Variants in UIMC1 observed in about 807,000 individuals in gnomAD.
UIMC1 encodes the protein ubiquitin interaction motif containing 1.
In UIMC1, 42 loss-of-function variants were observed where a neutral mutation model predicts 84.9. The ratio of observed to expected loss-of-function variants is 0.49; its 90% confidence interval spans 0.39 to 0.64. UIMC1 has a LOEUF of 0.64. Among genes scored for constraint, UIMC1 ranks in the 30% least tolerant of loss-of-function variants. UIMC1 has a pLI of 0.00. For missense variants in UIMC1, 825 were observed against 847.6 expected, an observed-to-expected ratio of 0.97 and a Z score of 0.33; for synonymous variants, 281 against 293.0, an observed-to-expected ratio of 0.96 and a Z score of 0.42.
chr5:176,969,330 T>A, intron 5 of UIMC1, 39 bp from the exon 6 acceptor site: 2 of 1,555,336 alleles, frequency 1.3e-6, no homozygotes, highest in Non-Finnish European at 1.7e-6. Context: ...AAGGACAAAC[T>A]TTTTTATTAA....
intron 10 of UIMC1, chr5:176,919,252 C>A: frequency 3.1e-6 from 1 of 319,188 alleles, no homozygotes; most frequent in Non-Finnish European, 6.1e-6. Context: ...GCACTCCAGC[C>A]TGGGCAACAG....
At chr5:176,907,533 T>A (rs1387951220) in intron 12 of UIMC1, among the ~76,000 whole-genome samples, 2 of 152,234 alleles carry the variant, frequency 1.3e-5, no homozygotes, top group Non-Finnish European at 2.9e-5. Context: ...GGGGTCTCTT[T>A]CTTCTGGCAT....
intron 14 of UIMC1, 182 bp from the exon 15 acceptor site, chr5:176,905,674 T>A (rs1759266119): frequency 7.5e-6 from 5 of 669,130 alleles, no homozygotes; most frequent in Admixed American, 6.1e-5. Context: ...AATCATATAC[T>A]ACTTAAAGCT....
intron 1 of UIMC1, chr5:177,001,358 G>A (rs999522292): frequency 1.3e-5 from 2 of 152,088 alleles, no homozygotes; most frequent in African/African-American, 4.8e-5. Flanking sequence ...GTTTTATGGG[G>A]TTTTGTTTTT....
At chr5:176,948,780 T>G (rs1765451483) in intron 9 of UIMC1, among the ~76,000 whole-genome samples, 1 of 152,196 alleles carries the variant, frequency 6.6e-6, no homozygotes, top group Non-Finnish European at 1.5e-5. Context: ...CCATGTCTTC[T>G]AATTGCAATG....
intron 6 of UIMC1, among the ~76,000 whole-genome samples, chr5:176,958,786 G>C (rs750530874): frequency 6.6e-6 from 1 of 152,188 alleles, no homozygotes. Context: ...CATAAGGAAA[G>C]ATTATTTTCA....
intron 3 of UIMC1, among the ~76,000 whole-genome samples, chr5:176,972,886 G>T (rs559971487): frequency 8.0e-5 from 12 of 150,656 alleles, no homozygotes; most frequent in African/African-American, 2.7e-4. Context: ...GGAATACTAT[G>T]AATGATTTTA....
intron 9 of UIMC1, among the ~76,000 whole-genome samples, chr5:176,946,121 G>A (rs911144548): frequency 6.6e-6 from 1 of 152,060 alleles, no homozygotes; most frequent in Admixed American, 6.6e-5. Flanking sequence ...GGTATATTCA[G>A]TGCATTGTTG....
At chr5:176,976,364 T>A (rs369944675) in intron 2 of UIMC1, among the ~76,000 whole-genome samples, 2 of 152,098 alleles carry the variant, frequency 1.3e-5, no homozygotes, top group East Asian at 3.8e-4. Flanking sequence ...TTGAAAAGAA[T>A]TTCTCTGAAG....
intron 10 of UIMC1, among the ~76,000 whole-genome samples, chr5:176,917,550 C>T (rs566307744): frequency 3.9e-5 from 6 of 152,102 alleles, no homozygotes; most frequent in East Asian, 1.9e-4. Flanking sequence ...CCAGCCTGGG[C>T]GACAGAATGA....
rs143881567 is a variant in UIMC1, at chr5:176,958,866, G to A, written c.1201-712C>T. Among the ~76,000 whole-genome samples, 617 of 152,336 alleles carry A rather than the reference G, an allele frequency of 4.1e-3. 1 individual carries two copies. Among genetic ancestry groups the A allele is most frequent in the Admixed American group, 7.8e-3 (119 of 15,310 alleles). On this transcript the variant is annotated intron_variant, in intron 6 of 14. Transcript: ENST00000511320. ...AAATACCAACTCATTAAACATACAT[G>A]CACAGAAGATCACAGAAAAAGCAGC...
At position 177,000,498 on chromosome 5, in the gene UIMC1, C is replaced by CTTTTTTTTTTTTTTTTTTTTTTTTTTTTT. The variant is rs966855813; in HGVS notation, c.-9+6151_-9+6152insAAAAAAAAAAAAAAAAAAAAAAAAAAAAA. Among the ~76,000 whole-genome samples the CTTTTTTTTTTTTTTTTTTTTTTTTTTTTT allele has an allele frequency of 7.9e-5, 9 of 113,362 alleles. 1 individual carries two copies. The highest frequency in any genetic ancestry group is 3.0e-4 in the South Asian group (1 of 3,386). The allele number at this position is 113,362 out of a possible 152,430, so 74.4% of individuals were successfully genotyped here. A position where few individuals can be genotyped will look rare whatever the true frequency, so the allele number is the denominator to read the frequency against. On this transcript the variant is annotated intron_variant, in intron 1 of 14. Transcript: ENST00000511320. ...ATATGCCTGTTTTCCACTTGCATGT[C>CTTTTTTTTTTTTTTTTTTTTTTTTTTTTT]TTTTTTTTTTTTTTTTTTTGAGATG...
intron 1 of UIMC1, among the ~76,000 whole-genome samples, chr5:176,993,728 C>T (rs1373252519): frequency 6.6e-6 from 1 of 152,004 alleles, no homozygotes; most frequent in African/African-American, 2.4e-5. Context: ...CAAAAATCTG[C>T]CAGGCGCGGT....
intron 1 of UIMC1, among the ~76,000 whole-genome samples, chr5:176,983,031 AC>A (rs1433850648): frequency 2.0e-5 from 3 of 152,100 alleles, no homozygotes; most frequent in Middle Eastern, 3.2e-3. Context: ...ACTGGGTTTC[AC>A]CATGTTGGCC....
At chr5:176,982,213 C>A (rs1325717764) in intron 2 of UIMC1, among the ~76,000 whole-genome samples, 4 of 152,160 alleles carry the variant, frequency 2.6e-5, no homozygotes, top group Admixed American at 2.6e-4. Context: ...TTAGATGATT[C>A]AAATAGTTCC....
intron 12 of UIMC1, among the ~76,000 whole-genome samples, chr5:176,907,806 T>C (rs961550151): frequency 6.6e-6 from 1 of 152,166 alleles, no homozygotes; most frequent in Non-Finnish European, 1.5e-5. Context: ...CGGAAAGCAA[T>C]TTGGCAGGTT....
chr5:176,987,232 C>T (rs1229069287), intron 1 of UIMC1, among the ~76,000 whole-genome samples: 1 of 151,900 alleles, frequency 6.6e-6, no homozygotes, highest in African/African-American at 2.4e-5. Flanking sequence ...AAAACAACAA[C>T]AAAATCAACA....
At chr5:177,011,950 G>A (rs1392033876) in intron 1 of UIMC1, among the ~76,000 whole-genome samples, 7 of 151,950 alleles carry the variant, frequency 4.6e-5, no homozygotes, top group East Asian at 1.9e-4. Flanking sequence ...ACAGGCGCCC[G>A]CCACCACGCC....
intron 3 of UIMC1, among the ~76,000 whole-genome samples, chr5:176,975,158 T>C (rs1247380963): frequency 1.3e-5 from 2 of 151,890 alleles, no homozygotes; most frequent in African/African-American, 2.4e-5. Context: ...AAAAATAAAT[T>C]TAAAAAAATT....
Sources: allele counts gnomAD v4.1 joint callset (sites outside exome capture counted in the v4.1 genomes callset), GRCh38; gene constraint gnomAD v4.1.1; transcripts MANE v1.5; gene names NCBI Gene and HGNC (gene_info 2026-07-23, HGNC 2026-07-21).